Variants in MND1 observed in about 807,000 individuals in gnomAD.
MND1 encodes meiotic nuclear divisions 1, also known as meiotic nuclear division protein 1 homolog.
In MND1, 28 loss-of-function variants were observed where a neutral mutation model predicts 35.1. The observed-to-expected ratio is 0.80, with a 90% CI of 0.59 to 1.09. MND1 has a LOEUF of 1.09. Among genes scored for constraint, MND1 ranks in the 50% least tolerant of loss-of-function variants. The pLI, the probability that MND1 is intolerant of heterozygous loss-of-function variation, is 0.00. For synonymous variants in MND1, 69 were observed against 70.5 expected (o/e 0.98, Z 0.11); for missense variants, 213 against 239.6 (o/e 0.89, Z 0.73).
intron 7 of MND1, chr4:153,409,239 T>C (rs1579959822): frequency 2.1e-5 from 4 of 190,058 alleles, no homozygotes; most frequent in South Asian, 2.0e-4. Flanking sequence ...GTAAAACTAA[T>C]GATTGCTTCC....
At chr4:153,378,665 C>T (rs1014449486) in intron 4 of MND1, among the ~76,000 whole-genome samples, 12 of 152,164 alleles carry the variant, frequency 7.9e-5, no homozygotes, top group Non-Finnish European at 1.2e-4. Context: ...TACTTTTTCT[C>T]CCCAGAGCTG....
intron 4 of MND1, among the ~76,000 whole-genome samples, chr4:153,387,800 C>CT (rs1275658121): frequency 4.5e-4 from 67 of 150,484 alleles, no homozygotes; most frequent in African/African-American, 1.3e-3. Flanking sequence ...AATTGTATGG[C>CT]TTTTTTTTTC....
At chr4:153,400,826 C>T (rs1729328192) in intron 6 of MND1, among the ~76,000 whole-genome samples, 1 of 152,136 alleles carries the variant, frequency 6.6e-6, no homozygotes, top group Non-Finnish European at 1.5e-5. Context: ...CAGAATACTC[C>T]ATCAGTCAAA....
At chr4:153,350,034 A>G (rs1399416885) in intron 1 of MND1, 30 bp from the exon 2 acceptor site, 1 of 1,484,258 alleles carries the variant, frequency 6.7e-7, no homozygotes, top group South Asian at 1.2e-5. Flanking sequence ...GTTTAAAAGC[A>G]TTGTTTACTT....
intron 4 of MND1, among the ~76,000 whole-genome samples, chr4:153,371,850 A>G (rs1286978695): frequency 6.6e-6 from 1 of 152,026 alleles, no homozygotes; most frequent in Non-Finnish European, 1.5e-5. Context: ...TTGGCTTTTG[A>G]CTGTATCTTC....
chr4:153,375,979 G>A (rs1349083862), intron 4 of MND1, among the ~76,000 whole-genome samples: 5 of 152,074 alleles, frequency 3.3e-5, no homozygotes, highest in African/African-American at 1.2e-4. Context: ...AGCTTTATGT[G>A]GAAGTGATGA....
intron 4 of MND1, among the ~76,000 whole-genome samples, chr4:153,367,310 C>T (rs1215501159): frequency 3.3e-5 from 5 of 152,174 alleles, no homozygotes; most frequent in Admixed American, 3.3e-4. Flanking sequence ...ATCTTCTCAG[C>T]CCACTCCTCC....
At chr4:153,380,696 C>T (rs982918191) in intron 4 of MND1, among the ~76,000 whole-genome samples, 4 of 152,202 alleles carry the variant, frequency 2.6e-5, no homozygotes, top group South Asian at 2.1e-4. Context: ...TTTTCTAAAC[C>T]GAATTGTCTT....
chr4:153,391,291 G>T (rs1000226286), intron 4 of MND1, among the ~76,000 whole-genome samples: 2 of 152,030 alleles, frequency 1.3e-5, no homozygotes, highest in Non-Finnish European at 2.9e-5. Flanking sequence ...AGCCTCTCGA[G>T]TAGCTGGGAT....
chr4:153,377,804 C>G (rs1015551874), intron 4 of MND1, among the ~76,000 whole-genome samples: 3 of 152,152 alleles, frequency 2.0e-5, no homozygotes, highest in Non-Finnish European at 2.9e-5. Flanking sequence ...TAACTTCCGC[C>G]ATTTACATGC....
chr4:153,380,534 A>C (rs1728647255), intron 4 of MND1, among the ~76,000 whole-genome samples: 1 of 152,200 alleles, frequency 6.6e-6, no homozygotes, highest in African/African-American at 2.4e-5. Context: ...CTAAGTGAAA[A>C]AAATTCATGC....
intron 5 of MND1, among the ~76,000 whole-genome samples, chr4:153,395,147 C>G (rs1193708318): frequency 6.6e-6 from 1 of 152,172 alleles, no homozygotes; most frequent in East Asian, 1.9e-4. Flanking sequence ...AGCACAGTCA[C>G]AGATAGGAAT....
At chr4:153,359,367 T>C (rs1457064737) in intron 4 of MND1, among the ~76,000 whole-genome samples, 1 of 152,226 alleles carries the variant, frequency 6.6e-6, no homozygotes, top group Non-Finnish European at 1.5e-5. Context: ...GCTTGATGGC[T>C]CATTTCTTTT....
At chr4:153,400,296 A>G (rs1729313954) in intron 6 of MND1, among the ~76,000 whole-genome samples, 1 of 152,128 alleles carries the variant, frequency 6.6e-6, no homozygotes, top group African/African-American at 2.4e-5. Context: ...AGAACTTGTA[A>G]TGGAGTCTAT....
chr4:153,361,495 T>C (rs1190519552), intron 4 of MND1: 1 of 456,222 alleles, frequency 2.2e-6, no homozygotes, highest in African/African-American at 2.0e-5. Context: ...TTATTTCCTC[T>C]TCTTTAGGAC....
At chr4:153,379,891 GCA>G (rs1728623852) in intron 4 of MND1, among the ~76,000 whole-genome samples, 1 of 145,482 alleles carries the variant, frequency 6.9e-6, no homozygotes, top group South Asian at 2.2e-4. Flanking sequence ...GTGTTGTGGC[GCA>G]CACCTGTAGT....
intron 2 of MND1, among the ~76,000 whole-genome samples, 171 bp from the exon 3 acceptor site, chr4:153,355,483 T>C (rs1478086747): frequency 1.3e-5 from 2 of 152,160 alleles, no homozygotes; most frequent in Non-Finnish European, 2.9e-5. Context: ...ATGGATACCC[T>C]AATTACCACA....
At chr4:153,405,897 C>T (rs971623209) in intron 6 of MND1, among the ~76,000 whole-genome samples, 10 of 152,162 alleles carry the variant, frequency 6.6e-5, no homozygotes, top group South Asian at 2.1e-4. Flanking sequence ...CTCTGCCTCC[C>T]GGGTTCAGGC....
At chr4:153,379,271 CAG>C (rs1728597928) in intron 4 of MND1, among the ~76,000 whole-genome samples, 1 of 119,408 alleles carries the variant, frequency 8.4e-6, no homozygotes, top group Non-Finnish European at 1.6e-5. Flanking sequence ...GCCTGGGCGA[CAG>C]AGCGAGACTC....
Sources: gnomAD v4.1 joint callset for allele counts (sites outside exome capture counted in the v4.1 genomes callset) on GRCh38, gnomAD v4.1.1 for gene constraint, MANE v1.5 for transcripts, NCBI Gene and HGNC (gene_info 2026-07-23, HGNC 2026-07-21) for gene names.